The following FOXK2 variants were observed in gnomAD, a reference collection of about 807,000 sequenced individuals.
FOXK2 encodes forkhead box protein K2.
In FOXK2, 24 loss-of-function variants were observed where a neutral mutation model predicts 53.3. The observed-to-expected ratio is 0.45, with a 90% confidence interval of 0.33 to 0.63. FOXK2 has a LOEUF of 0.63. Among genes scored for constraint, FOXK2 ranks in the 30% least tolerant of loss-of-function variants. FOXK2 has a pLI of 0.03. For synonymous variants in FOXK2, 505 were observed against 407.1 expected (o/e 1.24, Z -2.89); for missense variants, 952 against 910.5 (o/e 1.05, Z -0.59).
At chr17:82,551,060 GT>G (rs757696940) in intron 1 of FOXK2, among the ~76,000 whole-genome samples, 48 of 151,994 alleles carry the variant, frequency 3.2e-4, no homozygotes, top group Non-Finnish European at 6.3e-4. Context: ...GCTCACGCCT[GT>G]CATCCCAGCA....
chr17:82,578,749 T>A (rs2045021145), intron 4 of FOXK2: 1 of 152,162 alleles, frequency 6.6e-6, no homozygotes, highest in Non-Finnish European at 1.5e-5. Context: ...ACTGGGTTCT[T>A]TTACGTTTTC....
At chr17:82,580,161 T>C (rs2045041786) in intron 4 of FOXK2, among the ~76,000 whole-genome samples, 1 of 138,908 alleles carries the variant, frequency 7.2e-6, no homozygotes, top group East Asian at 2.3e-4. Flanking sequence ...CTCCTCTCCA[T>C]GTCGCCGGTG....
chr17:82,580,224 C>G (rs1448388915), intron 4 of FOXK2, among the ~76,000 whole-genome samples: 1 of 144,788 alleles, frequency 6.9e-6, no homozygotes, highest in Admixed American at 6.8e-5. Flanking sequence ...CCCAGCCCAC[C>G]TCTCCATGTC....
rs748730980 is a variant in FOXK2, at chr17:82,601,343, C to T, written c.1827C>T (p.Ser609=). The part of the protein sequence containing the change: ...SPLHMLATHA[S]ASASLPTKRH... The stretch of plus-strand genomic sequence containing the variant: ...TGCACATGTTGGCAACACACGCATC[C>T]GCATCGGCCTCCCTGCCCACAAAGC... The change falls in exon 9 of 9, where the codon TCC becomes TCT. Residue 609 remains serine, a synonymous_variant. Transcript: ENST00000335255. The T allele has an allele frequency of 1.1e-5, 18 of 1,613,162 alleles. No homozygotes were observed. Among genetic ancestry groups the T allele is most frequent in the Admixed American group, 1.7e-5 (1 of 60,006 alleles).
chr17:82,527,045 G>A (rs1171711022), intron 1 of FOXK2, among the ~76,000 whole-genome samples: 2 of 152,142 alleles, frequency 1.3e-5, no homozygotes, highest in African/African-American at 2.4e-5. Flanking sequence ...AAATGCCTTC[G>A]TTTTGCGACC....
intron 3 of FOXK2, among the ~76,000 whole-genome samples, chr17:82,570,329 C>CA (rs1416741949): frequency 1.3e-5 from 2 of 152,234 alleles, no homozygotes; most frequent in South Asian, 4.1e-4. Flanking sequence ...CCTGTCTCTA[C>CA]AAAAATACCA....
At chr17:82,530,472 A>T (rs2044463047) in intron 1 of FOXK2, among the ~76,000 whole-genome samples, 4 of 140,714 alleles carry the variant, frequency 2.8e-5, no homozygotes, top group East Asian at 2.1e-4. Flanking sequence ...AAAAAGAGAG[A>T]GAAAACCCGA....
intron 1 of FOXK2, among the ~76,000 whole-genome samples, chr17:82,533,926 G>T: frequency 6.6e-6 from 1 of 151,284 alleles, no homozygotes. Flanking sequence ...TTGGGCCCAA[G>T]AGGTGGAGGC....
intron 8 of FOXK2, among the ~76,000 whole-genome samples, chr17:82,594,955 G>C (rs186035820): frequency 3.3e-5 from 5 of 152,292 alleles, no homozygotes; most frequent in Admixed American, 2.0e-4. Context: ...CAGGGAGATC[G>C]TTTGAGCCAG....
rs374308998 is a variant in FOXK2, at chr17:82,563,567, G to C, written c.614+19G>C. ...CCATCAGGTGCGGCCATGGGGATGG[G>C]GGACTGGAGCATCCTTAGTCCCAGT... On this transcript the variant is annotated intron_variant, in intron 2 of 8. Transcript: ENST00000335255. 382 of 1,604,490 alleles carry C rather than the reference G, an allele frequency of 2.4e-4. No individual in the cohort carries two copies. Among genetic ancestry groups the C allele is most frequent in the Middle Eastern group, 3.3e-4 (2 of 5,978 alleles).
chr17:82,595,825 G>C, intron 8 of FOXK2: 8 of 1,289,666 alleles, frequency 6.2e-6, no homozygotes, highest in Non-Finnish European at 8.1e-6. Context: ...GCTCAGACTG[G>C]AGTTGCCTCA....
chr17:82,553,584 G>A (rs1275955392), intron 1 of FOXK2, among the ~76,000 whole-genome samples: 1 of 152,208 alleles, frequency 6.6e-6, no homozygotes, highest in East Asian at 1.9e-4. Flanking sequence ...TGGTTTTCGG[G>A]GACTTTGGAT....
chr17:82,537,858 G>T (rs578177355), intron 1 of FOXK2, among the ~76,000 whole-genome samples: 50 of 149,264 alleles, frequency 3.3e-4, no homozygotes, highest in Non-Finnish European at 6.7e-4. Context: ...GGAGGTGGAG[G>T]TTATAGTGAG....
chr17:82,589,573 C>T (rs773461150), intron 8 of FOXK2, among the ~76,000 whole-genome samples: 1 of 152,144 alleles, frequency 6.6e-6, no homozygotes, highest in Non-Finnish European at 1.5e-5. Context: ...GTTGCACAGT[C>T]CTAGTGTCAA....
intron 4 of FOXK2, among the ~76,000 whole-genome samples, chr17:82,574,430 C>T (rs181848781): frequency 6.6e-6 from 1 of 151,894 alleles, no homozygotes; most frequent in East Asian, 1.9e-4. Flanking sequence ...AAGCGATTCT[C>T]CTGCCTCAGC....
chr17:82,574,348 T>G (rs2044957473), intron 4 of FOXK2, among the ~76,000 whole-genome samples: 1 of 151,330 alleles, frequency 6.6e-6, no homozygotes. Flanking sequence ...GAGATAGAGT[T>G]TTGCTCTTGT....
At chr17:82,589,995 G>A (rs1387698021) in intron 8 of FOXK2, among the ~76,000 whole-genome samples, 2 of 151,620 alleles carry the variant, frequency 1.3e-5, no homozygotes, top group Admixed American at 6.6e-5. Context: ...GCAGTGAGCC[G>A]AGTTCAGACC....
chr17:82,598,226 CCTGT>C (rs1309444135), intron 8 of FOXK2, among the ~76,000 whole-genome samples: 8 of 152,202 alleles, frequency 5.3e-5, no homozygotes, highest in Non-Finnish European at 8.8e-5. Flanking sequence ...AATTATTCCT[CCTGT>C]CTGTCATTTC....
intron 1 of FOXK2, among the ~76,000 whole-genome samples, chr17:82,558,277 G>C (rs1248705847): frequency 1.3e-5 from 2 of 152,190 alleles, no homozygotes; most frequent in African/African-American, 4.8e-5. Context: ...AGTTGAGGCT[G>C]CAGTGAGCTG....
Sources: allele counts gnomAD v4.1 joint callset (sites outside exome capture counted in the v4.1 genomes callset), GRCh38; gene constraint gnomAD v4.1.1; transcripts MANE v1.5; gene names NCBI Gene and HGNC (gene_info 2026-07-23, HGNC 2026-07-21).